RASL12: variants seen among roughly 807,000 people sequenced by gnomAD.
The protein encoded by RASL12 is RAS like family 12.
Under a neutral mutation model 22.9 loss-of-function variants are expected in RASL12, and 16 were observed. The ratio of observed to expected loss-of-function variants is 0.70; its 90% CI spans 0.47 to 1.06. RASL12 has a LOEUF of 1.06. Ranked by LOEUF, RASL12 falls within the 50% of genes least tolerant of loss-of-function variation. The pLI is 0.00. For synonymous variants in RASL12, 159 were observed against 152.2 expected, an observed-to-expected ratio of 1.04 and a Z score of -0.33; for missense variants, 306 against 353.1, an observed-to-expected ratio of 0.87 and a Z score of 1.07.
chr15:65,060,247 C>T (rs753697152), intron 2 of RASL12, among the ~76,000 whole-genome samples: 3 of 152,136 alleles, frequency 2.0e-5, no homozygotes, highest in Non-Finnish European at 2.9e-5. Flanking sequence ...CTGGTGAGGG[C>T]AGTGGGAATG....
chr15:65,065,401 A>T, intron 1 of RASL12, 128 bp from the exon 2 acceptor site: 1 of 863,434 alleles, frequency 1.2e-6, no homozygotes, highest in Admixed American at 2.4e-5. Context: ...CTCCCAGAGA[A>T]TGAAGCTAGG....
downstream of RASL12, chr15:65,051,554 T>G (rs1435965665): frequency 1.2e-6 from 2 of 1,613,738 alleles, no homozygotes; most frequent in Non-Finnish European, 1.7e-6. Flanking sequence ...CTGGCAGCTG[T>G]GGTGGTCATT....
chr15:65,067,463 G>A (rs1365456488), intron 1 of RASL12, among the ~76,000 whole-genome samples: 2 of 152,058 alleles, frequency 1.3e-5, no homozygotes, highest in African/African-American at 4.8e-5. Context: ...CACTGATACG[G>A]AGGACAGAGA....
At chr15:65,048,632 G>C (rs1485877512), downstream of RASL12, among the ~76,000 whole-genome samples, 3 of 152,150 alleles carry the variant, frequency 2.0e-5, no homozygotes, top group Admixed American at 6.5e-5. Flanking sequence ...TTTTATTTTA[G>C]TTACGTTTAT....
chr15:65,049,830 G>A (rs1595899989), downstream of RASL12: 2 of 502,410 alleles, frequency 4.0e-6, no homozygotes, highest in Non-Finnish European at 7.0e-6. Flanking sequence ...AGGAGATCTG[G>A]ATTTGGGCAC....
chr15:65,048,185 GAAAAAAAAAGAA>G, the RASL12 span, among the ~76,000 whole-genome samples: 25 of 95,392 alleles, frequency 2.6e-4, no homozygotes, highest in East Asian at 1.1e-3. Flanking sequence ...CGTCTCAAAA[GAAAAAAAAAGAA>G]AAAAAAAAAA....
At chr15:65,058,353 C>G in intron 4 of RASL12, 74 bp downstream of exon 4, 2 of 1,269,512 alleles carry the variant, frequency 1.6e-6, no homozygotes, top group Non-Finnish European at 2.1e-6. Context: ...CCCACTAATC[C>G]CTCAAGATGC....
intron 2 of RASL12, among the ~76,000 whole-genome samples, chr15:65,064,887 C>T (rs2086857464): frequency 6.6e-6 from 1 of 152,230 alleles, no homozygotes; most frequent in South Asian, 2.1e-4. Context: ...AGCCACCGCA[C>T]CCGGCCCAAG....
chr15:65,050,830 C>CTT (rs1206139825), downstream of RASL12, among the ~76,000 whole-genome samples: 117 of 48,468 alleles, frequency 2.4e-3, no homozygotes, highest in Middle Eastern at 0.014. Flanking sequence ...CTTTCTTCTT[C>CTT]TTCTTCTTTT....
chr15:65,059,479 C>G, intron 2 of RASL12, 61 bp from the exon 3 acceptor site: 1 of 1,357,134 alleles, frequency 7.4e-7, no homozygotes, highest in Non-Finnish European at 1.1e-6. Flanking sequence ...TTGAGCTTCC[C>G]TCTGTGCTAG....
At chr15:65,058,389 C>T (rs771761536) in intron 4 of RASL12, 38 bp downstream of exon 4, 433 of 1,403,036 alleles carry the variant, frequency 3.1e-4, no homozygotes, top group Non-Finnish European at 1.2e-4. Context: ...GTGAAGAAAG[C>T]GAGCTCTGGA....
At chr15:65,069,012 C>G (rs543815219), upstream of RASL12, among the ~76,000 whole-genome samples, 2 of 152,330 alleles carry the variant, frequency 1.3e-5, no homozygotes, top group African/African-American at 4.8e-5. Flanking sequence ...CAGGTTAGAG[C>G]AGGGAAAGGC....
chr15:65,045,638 A>G, the RASL12 span: 1 of 152,280 alleles, frequency 6.6e-6, no homozygotes, highest in Admixed American at 6.5e-5. Flanking sequence ...GGCAGAAGTC[A>G]CAGTCCAATG....
At chr15:65,058,400 G>T in intron 4 of RASL12, 27 bp downstream of exon 4, 1 of 1,419,170 alleles carries the variant, frequency 7.0e-7, no homozygotes, top group African/African-American at 1.4e-5. Context: ...GAGCTCTGGA[G>T]ATAACGGCCA....
chr15:65,048,736 C>T (rs1461240897), downstream of RASL12, among the ~76,000 whole-genome samples: 4 of 152,174 alleles, frequency 2.6e-5, no homozygotes, highest in African/African-American at 4.8e-5. Context: ...GGGTCAGGCG[C>T]GGTGGCTCAC....
the RASL12 span, among the ~76,000 whole-genome samples, chr15:65,047,268 G>A: frequency 3.3e-5 from 5 of 151,084 alleles, no homozygotes; most frequent in African/African-American, 9.7e-5. Context: ...CCTGGGAGGC[G>A]GTGGTTGCAG....
chr15:65,072,815 T>C (rs1426959168), upstream of RASL12, among the ~76,000 whole-genome samples: 1 of 152,164 alleles, frequency 6.6e-6, no homozygotes, highest in Admixed American at 6.5e-5. Context: ...CTTTCAGCTA[T>C]GCCCTCCTGA....
Position 65,054,110 on chromosome 15 carries a change from C to T in RASL12, c.*789G>A, listed in dbSNP as rs571053380. 2.1e-4 allele frequency: 210 copies of T among 985,840 alleles called. 1 individual carries two copies. The highest frequency in any genetic ancestry group is 2.5e-4 in the Non-Finnish European group (208 of 830,036). The allele number at this position is 985,840 out of a possible 1,614,324, so 61.1% of individuals were successfully genotyped here. A position where few individuals can be genotyped will look rare whatever the true frequency, so the allele number is the denominator to read the frequency against. ...AGCCCTGGGTAACTCACTGGAGTGA[C>T]AACTTTCTTCTGCAGCCTGGATCAT... On this transcript the variant is annotated 3_prime_UTR_variant, in exon 5 of 5. Coordinates refer to ENST00000220062, the MANE Select transcript of RASL12 (RefSeq NM_016563.4).
At chr15:65,067,028 A>G (rs758106248) in intron 1 of RASL12, among the ~76,000 whole-genome samples, 15 of 152,172 alleles carry the variant, frequency 9.9e-5, no homozygotes, top group African/African-American at 2.7e-4. Flanking sequence ...CCATAACCCA[A>G]TGTGTTTCCA....
Sources: allele counts gnomAD v4.1 joint callset (sites outside exome capture counted in the v4.1 genomes callset), GRCh38; gene constraint gnomAD v4.1.1; transcripts MANE v1.5; gene names NCBI Gene and HGNC (gene_info 2026-07-23, HGNC 2026-07-21).